TSHZ2: variants seen among roughly 807,000 people sequenced by gnomAD.
The protein encoded by TSHZ2 is teashirt homolog 2.
Under a neutral mutation model 74.4 loss-of-function variants are expected in TSHZ2, and 21 were observed. The observed-to-expected ratio is 0.28, with a 90% CI of 0.20 to 0.41. The LOEUF (loss-of-function observed/expected upper bound fraction) is 0.41, where lower values mean the gene tolerates loss of function less well. TSHZ2 is among the 10% of genes least tolerant of loss of function. The probability of loss-of-function intolerance (pLI) is 1.00; values close to 1 mark genes in which losing one functional copy is unlikely to be tolerated. For synonymous variants in TSHZ2, 540 were observed against 515.3 expected (o/e 1.05, Z -0.65); for missense variants, 1,244 against 1,293.5 (o/e 0.96, Z 0.59).
chr20:53,081,897 C>CT (rs11449860), intron 1 of TSHZ2, among the ~76,000 whole-genome samples: 71,300 of 142,894 alleles, frequency 0.5, 18,737 homozygotes, highest in African/African-American at 0.71. Context: ...TATGTTTATT[C>CT]TTTTTTTTTT....
At chr20:52,984,125 A>C (rs1981665899) in intron 1 of TSHZ2, among the ~76,000 whole-genome samples, 1 of 152,236 alleles carries the variant, frequency 6.6e-6, no homozygotes, top group African/African-American at 2.4e-5. Flanking sequence ...CCTGGAGAGC[A>C]CGGGGGAGAT....
intron 1 of TSHZ2, among the ~76,000 whole-genome samples, chr20:53,055,611 A>T (rs1190677915): frequency 6.6e-6 from 1 of 152,122 alleles, no homozygotes; most frequent in Non-Finnish European, 1.5e-5. Flanking sequence ...GAACATTTGC[A>T]TCAGTTTTCT....
At position 53,491,302 on chromosome 20, in the gene TSHZ2, T is replaced by A. The variant is rs1055626704; in HGVS notation, c.*4167T>A. ...TTCGTGTATTTTTCCCCTTGTAAGATGTTCAAATGCTAACTTCATTTTCTC... is the reference window on the plus strand; with the variant it reads ...TTCGTGTATTTTTCCCCTTGTAAGAAGTTCAAATGCTAACTTCATTTTCTC... On this transcript the variant is annotated 3_prime_UTR_variant, in exon 3 of 3. Transcript: ENST00000371497. 1 of 152,222 alleles carries A rather than the reference T, an allele frequency of 6.6e-6. No individual in the cohort carries two copies. Among genetic ancestry groups the A allele is most frequent in the Non-Finnish European group, 1.5e-5 (1 of 68,040 alleles). The allele number at this position is 152,222 out of a possible 1,614,324, so 9.4% of individuals were successfully genotyped here. A position where few individuals can be genotyped will look rare whatever the true frequency, so the allele number is the denominator to read the frequency against.
intron 2 of TSHZ2, among the ~76,000 whole-genome samples, chr20:53,352,310 TC>T (rs1980679263): frequency 1.4e-5 from 2 of 142,670 alleles, no homozygotes; most frequent in South Asian, 4.6e-4. Flanking sequence ...AGAACCCCAG[TC>T]CTTTATCACC....
chr20:53,488,850 ACT>A lies in TSHZ2; in HGVS notation c.*1716_*1717del. On this transcript the variant is annotated 3_prime_UTR_variant, in exon 3 of 3. Coordinates refer to ENST00000371497, the MANE Select transcript of TSHZ2 (RefSeq NM_173485.6). ...ACATTGGGATTAAAAAAAAAAAAAA[ACT>A]TCTTATTTACCTCCTAGGGAAAGTG... 1 of 339,498 alleles carries A rather than the reference ACT, an allele frequency of 2.9e-6. No individual in the cohort carries two copies. Among genetic ancestry groups the A allele is most frequent in the South Asian group, 2.3e-5 (1 of 42,738 alleles). The allele number at this position is 339,498 out of a possible 1,614,324, so 21.0% of individuals were successfully genotyped here. A position where few individuals can be genotyped will look rare whatever the true frequency, so the allele number is the denominator to read the frequency against.
At chr20:53,183,410 C>A (rs189746750) in intron 1 of TSHZ2, among the ~76,000 whole-genome samples, 1 of 152,198 alleles carries the variant, frequency 6.6e-6, no homozygotes, top group Non-Finnish European at 1.5e-5. Context: ...CTGGCCCATT[C>A]CCTTTGCCTG....
At chr20:53,041,987 C>T (rs1399880856) in intron 1 of TSHZ2, among the ~76,000 whole-genome samples, 1 of 151,954 alleles carries the variant, frequency 6.6e-6, no homozygotes, top group Admixed American at 6.6e-5. Context: ...CAGAGAGGAG[C>T]ATTCTGAGAT....
At chr20:53,250,209 G>A (rs1990293899) in intron 1 of TSHZ2, among the ~76,000 whole-genome samples, 1 of 152,230 alleles carries the variant, frequency 6.6e-6, no homozygotes, top group Non-Finnish European at 1.5e-5. Context: ...ATAGAGAACA[G>A]TTCTTTTGTC....
At chr20:53,341,604 C>T (rs1302621738) in intron 2 of TSHZ2, among the ~76,000 whole-genome samples, 3 of 151,964 alleles carry the variant, frequency 2.0e-5, no homozygotes, top group African/African-American at 4.8e-5. Flanking sequence ...GAATTACAGG[C>T]TTAAACCGCC....
Position 53,253,281 on chromosome 20 carries a change from A to G in TSHZ2, c.41-218A>G, listed in dbSNP as rs560989925. On this transcript the variant is annotated intron_variant, in intron 1 of 2. Transcript: ENST00000371497. ...CTTGGGATCCTAGGCATTTATAAAG[A>G]ATTATGACTCCTGCCAATTGAAAAA... is the stretch of plus-strand genomic sequence containing the variant. Among the ~76,000 whole-genome samples, 53 of 149,620 alleles carry G rather than the reference A, an allele frequency of 3.5e-4. No homozygotes were observed. In the South Asian group the frequency reaches 0.01, roughly 29 times the overall value.
intron 1 of TSHZ2, among the ~76,000 whole-genome samples, chr20:52,989,302 C>T (rs553455105): frequency 1.3e-5 from 2 of 151,968 alleles, no homozygotes; most frequent in African/African-American, 2.4e-5. Flanking sequence ...TGGCAAACTG[C>T]CTTGCCATCT....
At chr20:53,368,762 A>G (rs1159452306) in intron 2 of TSHZ2, among the ~76,000 whole-genome samples, 1 of 152,354 alleles carries the variant, frequency 6.6e-6, no homozygotes, top group East Asian at 1.9e-4. Context: ...CTCAGTATGA[A>G]GTATTGAACT....
chr20:53,351,907 C>G (rs542140849), intron 2 of TSHZ2, among the ~76,000 whole-genome samples: 1 of 152,296 alleles, frequency 6.6e-6, no homozygotes, highest in Admixed American at 6.5e-5. Context: ...CTTGTGCTTC[C>G]TTTCCTAATT....
At chr20:53,092,975 A>G (rs1892577913) in intron 1 of TSHZ2, among the ~76,000 whole-genome samples, 1 of 152,190 alleles carries the variant, frequency 6.6e-6, no homozygotes, top group Admixed American at 6.5e-5. Flanking sequence ...TATTTACAAA[A>G]CAAGCGGTGA....
chr20:53,103,459 A>T (rs1203685370), intron 1 of TSHZ2, among the ~76,000 whole-genome samples: 1 of 152,246 alleles, frequency 6.6e-6, no homozygotes, highest in Non-Finnish European at 1.5e-5. Context: ...TTTAGGAAAG[A>T]CAAAATGTCA....
At position 53,253,645 on chromosome 20, in the gene TSHZ2, T is replaced by C; in HGVS notation, c.187T>C (p.Cys63Arg). Residue 63 changes from cysteine to arginine, a missense_variant, in exon 2 of 3, where the codon TGC becomes CGC. Coordinates refer to ENST00000371497, the MANE Select transcript of TSHZ2 (RefSeq NM_173485.6). The stretch of plus-strand genomic sequence containing the variant: ...AGAAACGGGCCCAGAGCAAAAAGGC[T>C]GCTTCAGCTACCAGAACTCTCCAGG... ...ELETGPEQKG[C>R]FSYQNSPGSH... is the part of the protein sequence containing the mutation. 1 of 1,614,128 alleles carries C rather than the reference T, an allele frequency of 6.2e-7. No individual in the cohort carries two copies. Among genetic ancestry groups the C allele is most frequent in the Non-Finnish European group, 8.5e-7 (1 of 1,180,028 alleles).
Position 53,020,677 on chromosome 20 carries a change from A to G in TSHZ2, c.40+47344A>G, listed in dbSNP as rs183120285. On this transcript the variant is annotated intron_variant, in intron 1 of 2. Transcript: ENST00000371497. ...GAATTGCCAAGAGCAAGTGGGTCTA[A>G]ATGGGGTGCACACCCACTGTGAAAC... Among the ~76,000 whole-genome samples, 376 of 152,328 alleles carry G rather than the reference A, an allele frequency of 2.5e-3. 1 individual carries two copies. The highest frequency in any genetic ancestry group is 8.8e-3 in the African/African-American group (364 of 41,574).
At chr20:53,091,144 T>C (rs573983887) in intron 1 of TSHZ2, among the ~76,000 whole-genome samples, 1 of 152,342 alleles carries the variant, frequency 6.6e-6, no homozygotes, top group Non-Finnish European at 1.5e-5. Flanking sequence ...GAGGACCACA[T>C]CAATTTGGTA....
intron 1 of TSHZ2, among the ~76,000 whole-genome samples, chr20:53,229,124 G>T (rs2123664464): frequency 6.6e-6 from 1 of 152,294 alleles, no homozygotes; most frequent in South Asian, 2.1e-4. Context: ...GGGCTGAAGG[G>T]GCTTGACCCT....
Sources: gnomAD v4.1 joint callset for allele counts (sites outside exome capture counted in the v4.1 genomes callset) on GRCh38, gnomAD v4.1.1 for gene constraint, MANE v1.5 for transcripts, NCBI Gene and HGNC (gene_info 2026-07-23, HGNC 2026-07-21) for gene names.